SCYL2: variants seen among roughly 807,000 people sequenced by gnomAD.
SCYL2 encodes the protein SCY1-like protein 2.
SCYL2 carries 36 observed loss-of-function variants against 100.4 expected under a neutral mutation model. The ratio of observed to expected loss-of-function variants is 0.36; its 90% CI spans 0.27 to 0.47. The LOEUF (loss-of-function observed/expected upper bound fraction) is 0.47, where lower values mean the gene tolerates loss of function less well. Ranked by LOEUF, SCYL2 falls within the 20% of genes least tolerant of loss-of-function variation. The pLI, the probability that SCYL2 is intolerant of heterozygous loss-of-function variation, is 1.00. For missense variants in SCYL2, 902 were observed against 1,083.9 expected, an observed-to-expected ratio of 0.83 and a Z score of 2.36; for synonymous variants, 330 against 359.2, an observed-to-expected ratio of 0.92 and a Z score of 0.92.
chr12:100,308,538 G>A (rs2096337639), intron 4 of SCYL2, among the ~76,000 whole-genome samples: 2 of 152,230 alleles, frequency 1.3e-5, no homozygotes, highest in Admixed American at 6.5e-5. Context: ...CCTAATGTAG[G>A]TGACTGGTTG....
chr12:100,309,696 G>C (rs2096339756), intron 4 of SCYL2, among the ~76,000 whole-genome samples: 1 of 152,130 alleles, frequency 6.6e-6, no homozygotes, highest in African/African-American at 2.4e-5. Flanking sequence ...ACCTTGAATT[G>C]CTTCCACATT....
chr12:100,299,017 C>T (rs1200807432), intron 4 of SCYL2, among the ~76,000 whole-genome samples: 6 of 152,146 alleles, frequency 3.9e-5, no homozygotes, highest in South Asian at 2.1e-4. Context: ...ATCACTTGAG[C>T]TCAGGAGTTT....
Position 100,291,525 on chromosome 12 carries a change from A to T in SCYL2, c.200A>T (p.Asp67Val). Reference protein sequence around the residue: ...TKQEVAVFVFDKKLIDKYQKF... With the variant: ...TKQEVAVFVFVKKLIDKYQKF... ...TAGGAAGTGGCAGTTTTTGTCTTTG[A>T]TAAAAAACTGATTGACAAGTATCAA... Residue 67 changes from aspartate (D) to valine (V), a missense_variant, in exon 3 of 18, where the codon GAT becomes GTT. Physicochemically the swap from Asp to Val is radical, Grantham distance 152. Transcript: ENST00000360820. The T allele has an allele frequency of 6.4e-7, 1 of 1,567,814 alleles. No homozygotes were observed. The highest frequency in any genetic ancestry group is 8.6e-7 in the Non-Finnish European group (1 of 1,161,730).
At chr12:100,273,598 A>G (rs2096289723) in intron 1 of SCYL2, among the ~76,000 whole-genome samples, 1 of 152,192 alleles carries the variant, frequency 6.6e-6, no homozygotes, top group South Asian at 2.1e-4. Context: ...GATGATGGAT[A>G]GCATCTCAAA....
chr12:100,337,627 G>A (rs2135947371), intron 17 of SCYL2, 121 bp downstream of exon 17: 1 of 982,354 alleles, frequency 1.0e-6, no homozygotes, highest in East Asian at 2.6e-5. Context: ...TTAATATGTG[G>A]TTTCTAAGAA....
intron 1 of SCYL2, among the ~76,000 whole-genome samples, chr12:100,281,474 T>C (rs1351683339): frequency 1.3e-5 from 2 of 152,066 alleles, no homozygotes; most frequent in African/African-American, 4.8e-5. Context: ...GAGGATCACT[T>C]GAGGCTAGGA....
Position 100,326,602 on chromosome 12 carries a change from C to A in SCYL2, c.1510-20C>A. 1 of 1,548,406 alleles carries A rather than the reference C, an allele frequency of 6.5e-7. No homozygotes were observed. The highest frequency in any genetic ancestry group is 8.7e-7 in the Non-Finnish European group (1 of 1,151,160). On this transcript the variant is annotated intron_variant, in intron 11 of 17. Transcript: ENST00000360820. ...TTTTGAAAACTTTTAATGACTAATGCAATTTACCTCTTTTAATAGGTTCGT... is the reference window on the plus strand; with the variant it reads ...TTTTGAAAACTTTTAATGACTAATGAAATTTACCTCTTTTAATAGGTTCGT...
intron 4 of SCYL2, among the ~76,000 whole-genome samples, chr12:100,299,533 G>T (rs1455049607): frequency 2.6e-5 from 4 of 152,034 alleles, no homozygotes; most frequent in Non-Finnish European, 5.9e-5. Flanking sequence ...CAGTTTGTCT[G>T]TCCCTTGTCT....
intron 1 of SCYL2, among the ~76,000 whole-genome samples, chr12:100,271,281 A>AAAAGAG (rs869276181): frequency 7.8e-6 from 1 of 128,906 alleles, no homozygotes; most frequent in African/African-American, 2.8e-5. Context: ...AAAAAAAAAA[A>AAAAGAG]AGAGAGAGAG....
At chr12:100,317,023 G>C (rs1225024261) in intron 9 of SCYL2, among the ~76,000 whole-genome samples, 8 of 152,018 alleles carry the variant, frequency 5.3e-5, no homozygotes, top group African/African-American at 1.7e-4. Flanking sequence ...TGAGCCCTGG[G>C]AGGTCGAGGC....
chr12:100,308,642 AAAC>A (rs944881121), intron 4 of SCYL2, among the ~76,000 whole-genome samples: 3 of 152,232 alleles, frequency 2.0e-5, no homozygotes, highest in African/African-American at 7.2e-5. Context: ...TGTAATAATT[AAAC>A]AACAACAACA....
intron 10 of SCYL2, among the ~76,000 whole-genome samples, chr12:100,321,362 C>A (rs539044164): frequency 6.6e-6 from 1 of 152,320 alleles, no homozygotes; most frequent in African/African-American, 2.4e-5. Flanking sequence ...GTGATCCCTT[C>A]TCTTATGCTT....
chr12:100,282,467 G>A (rs529800275), intron 1 of SCYL2, among the ~76,000 whole-genome samples: 1 of 149,110 alleles, frequency 6.7e-6, no homozygotes, highest in East Asian at 2.0e-4. Flanking sequence ...CTGGGACTAC[G>A]GGCACCTGCC....
intron 1 of SCYL2, among the ~76,000 whole-genome samples, chr12:100,274,550 T>TA (rs780699872): frequency 2.0e-5 from 3 of 152,224 alleles, no homozygotes; most frequent in Non-Finnish European, 4.4e-5. Flanking sequence ...TAGTATTTCT[T>TA]ATCAAACTTC....
At chr12:100,303,277 T>G (rs1295042475) in intron 4 of SCYL2, among the ~76,000 whole-genome samples, 1 of 152,114 alleles carries the variant, frequency 6.6e-6, no homozygotes, top group Non-Finnish European at 1.5e-5. Context: ...CTCTGTCCAG[T>G]TTTGTTCCCT....
intron 14 of SCYL2, 57 bp from the exon 15 acceptor site, chr12:100,335,568 G>C: frequency 8.0e-7 from 1 of 1,256,032 alleles, no homozygotes; most frequent in Non-Finnish European, 1.1e-6. Flanking sequence ...TTTGGCATGA[G>C]TATTTAAAAA....
chr12:100,339,478 T>A lies in SCYL2; in HGVS notation c.*306T>A. 2 of 306,342 alleles carry A rather than the reference T, an allele frequency of 6.5e-6. No homozygotes were observed. The highest frequency in any genetic ancestry group is 9.6e-5 in the South Asian group (2 of 20,734). The allele number at this position is 306,342 out of a possible 1,614,324, so 19.0% of individuals were successfully genotyped here. The stretch of plus-strand genomic sequence containing the variant: ...TGAATAACATAACTTTTTAATCAAA[T>A]GTTTATTTTGGCTTGTGGATCTTGG... On this transcript the variant is annotated 3_prime_UTR_variant, in exon 18 of 18. Coordinates refer to ENST00000360820, the MANE Select transcript of SCYL2 (RefSeq NM_017988.6).
In SCYL2 at chr12:100,297,989, G is replaced by A. The variant is rs201961562; in HGVS notation, c.336-42G>A. Reference sequence around the variant, plus strand: ...TATGTATATTTGATTTTGATAATGTGTAATAATATGATAGTAAATAACTTT... The same window carrying A: ...TATGTATATTTGATTTTGATAATGTATAATAATATGATAGTAAATAACTTT... On this transcript the variant is annotated intron_variant, in intron 3 of 17. Coordinates refer to ENST00000360820, the MANE Select transcript of SCYL2 (RefSeq NM_017988.6). 3.9e-4 allele frequency: 558 copies of A among 1,447,986 alleles called. 2 individuals carry two copies. The highest frequency in any genetic ancestry group is 8.5e-4 in the Middle Eastern group (4 of 4,712). The allele number at this position is 1,447,986 out of a possible 1,614,324, so 89.7% of individuals were successfully genotyped here.
intron 13 of SCYL2, among the ~76,000 whole-genome samples, chr12:100,331,705 A>G (rs1036566905): frequency 6.6e-6 from 1 of 152,000 alleles, no homozygotes; most frequent in Non-Finnish European, 1.5e-5. Flanking sequence ...ATTTTGATTC[A>G]TATCTTCTTG....
Sources: allele counts gnomAD v4.1 joint callset (sites outside exome capture counted in the v4.1 genomes callset), GRCh38; gene constraint gnomAD v4.1.1; transcripts MANE v1.5; gene names NCBI Gene and HGNC (gene_info 2026-07-23, HGNC 2026-07-21).